Variants in TTC17 observed in about 807,000 individuals in gnomAD.
TTC17 encodes tetratricopeptide repeat domain 17.
Under a neutral mutation model 143.8 loss-of-function variants are expected in TTC17, and 58 were observed. The ratio of observed to expected loss-of-function variants is 0.40; its 90% confidence interval spans 0.33 to 0.50. The LOEUF (loss-of-function observed/expected upper bound fraction) is 0.50. TTC17 is among the 20% of genes least tolerant of loss of function. The pLI, the probability that TTC17 is intolerant of heterozygous loss-of-function variation, is 0.49. For synonymous variants in TTC17, 501 were observed against 497.8 expected (o/e 1.01, Z -0.09); for missense variants, 1,273 against 1,392.5 (o/e 0.91, Z 1.37).
At chr11:43,405,037 C>A (rs984107729) in intron 11 of TTC17, among the ~76,000 whole-genome samples, 8 of 151,462 alleles carry the variant, frequency 5.3e-5, no homozygotes, top group Admixed American at 2.6e-4. Context: ...GGATAAACTT[C>A]AGGTTTGGTT....
intron 21 of TTC17, among the ~76,000 whole-genome samples, chr11:43,485,883 G>GTTTTTTTTT (rs751026290): frequency 7.1e-5 from 8 of 112,604 alleles, no homozygotes; most frequent in East Asian, 2.8e-4. Flanking sequence ...TTGGTTTTTT[G>GTTTTTTTTT]TTTTTTTTTT....
intron 1 of TTC17, among the ~76,000 whole-genome samples, chr11:43,362,147 ATTTGTG>A (rs1465997341): frequency 1.0e-4 from 11 of 106,580 alleles, no homozygotes; most frequent in Non-Finnish European, 1.5e-4. Flanking sequence ...CACCCGGCTA[ATTTGTG>A]TGTGTGTGTG....
At chr11:43,365,691 G>A (rs1856309542) in intron 1 of TTC17, among the ~76,000 whole-genome samples, 1 of 152,196 alleles carries the variant, frequency 6.6e-6, no homozygotes, top group African/African-American at 2.4e-5. Flanking sequence ...TTGGGGAATT[G>A]GGAGTTGCTT....
At chr11:43,448,257 T>C in intron 19 of TTC17, 135 bp downstream of exon 19, 3 of 1,330,100 alleles carry the variant, frequency 2.3e-6, no homozygotes, top group Non-Finnish European at 3.0e-6. Flanking sequence ...ATGACCATGC[T>C]GACCATGGCC....
intron 21 of TTC17, among the ~76,000 whole-genome samples, chr11:43,475,982 G>T (rs1333478094): frequency 6.6e-6 from 1 of 152,114 alleles, no homozygotes; most frequent in South Asian, 2.1e-4. Context: ...TGGAAATATT[G>T]GTACAAATTC....
chr11:43,444,152 C>T lies in TTC17; in HGVS notation c.2608C>T (p.Arg870Cys), dbSNP rs1209355193. The T allele has an allele frequency of 6.8e-6, 11 of 1,612,884 alleles. No homozygotes were observed. The highest frequency in any genetic ancestry group is 6.7e-5 in the East Asian group (3 of 44,796). Residue 870 changes from arginine (R) to cysteine (C), a missense_variant, in exon 18 of 24, where the codon CGT (arginine) becomes TGT (cysteine). Arg to Cys is a radical substitution (Grantham distance 180). Coordinates refer to ENST00000039989, the MANE Select transcript of TTC17 (RefSeq NM_018259.6). ...VETGQIENGH[R>C]YQANLEITGP... ...AACAGGTCAGATAGAAAATGGACATCGTTACCAAGCAAACCTAGAGATCAC... is the reference window on the plus strand; with the variant it reads ...AACAGGTCAGATAGAAAATGGACATTGTTACCAAGCAAACCTAGAGATCAC...
chr11:43,482,645 T>C (rs1948308712), intron 21 of TTC17, among the ~76,000 whole-genome samples: 1 of 152,162 alleles, frequency 6.6e-6, no homozygotes, highest in Non-Finnish European at 1.5e-5. Context: ...TAGAAAGGAA[T>C]ATTGTCTTCT....
At chr11:43,455,118 A>T (rs1947738617) in intron 21 of TTC17, among the ~76,000 whole-genome samples, 1 of 151,602 alleles carries the variant, frequency 6.6e-6, no homozygotes, top group Non-Finnish European at 1.5e-5. Flanking sequence ...ACAATATAAA[A>T]GCCCTCCTAC....
intron 8 of TTC17, 37 bp downstream of exon 8, chr11:43,398,150 C>T: frequency 4.3e-6 from 7 of 1,609,994 alleles, no homozygotes; most frequent in East Asian, 2.2e-5. Context: ...AGCATTAGCA[C>T]TATCGAACCT....
At position 43,494,674 on chromosome 11, in the gene TTC17, T is replaced by C. The variant is rs904104504; in HGVS notation, c.*770T>C. ...GGTTTATATATATAGAATATGTATA[T>C]TTGAAGCCCTCTACAGACTGAGTCT... On this transcript the variant is annotated 3_prime_UTR_variant, in exon 24 of 24. Coordinates refer to ENST00000039989, the MANE Select transcript of TTC17 (RefSeq NM_018259.6). The C allele has an allele frequency of 6.6e-6, 1 of 152,206 alleles. No individual in the cohort carries two copies. The highest frequency in any genetic ancestry group is 1.5e-5 in the Non-Finnish European group (1 of 68,036). The allele number at this position is 152,206 out of a possible 1,614,324, so 9.4% of individuals were successfully genotyped here. A position where few individuals can be genotyped will look rare whatever the true frequency, so the allele number is the denominator to read the frequency against.
intron 20 of TTC17, among the ~76,000 whole-genome samples, chr11:43,450,590 A>G (rs1947639310): frequency 6.6e-6 from 1 of 152,222 alleles, no homozygotes; most frequent in Non-Finnish European, 1.5e-5. Context: ...GACCCAATAT[A>G]TACCTAGCAA....
chr11:43,460,761 CA>C (rs1947850645), intron 21 of TTC17, among the ~76,000 whole-genome samples: 1 of 152,160 alleles, frequency 6.6e-6, no homozygotes, highest in African/African-American at 2.4e-5. Flanking sequence ...TCTGGGGCCT[CA>C]ACTGGGGTGG....
chr11:43,391,226 T>C (rs1857373337), intron 3 of TTC17, among the ~76,000 whole-genome samples: 1 of 152,056 alleles, frequency 6.6e-6, no homozygotes, highest in African/African-American at 2.4e-5. Flanking sequence ...TAGTGAGACC[T>C]GTCTCAACAA....
At chr11:43,441,762 C>T (rs925914117) in intron 16 of TTC17, among the ~76,000 whole-genome samples, 1 of 152,202 alleles carries the variant, frequency 6.6e-6, no homozygotes, top group Non-Finnish European at 1.5e-5. Flanking sequence ...GCTCCATATT[C>T]TCTCTTCATT....
At chr11:43,492,389 G>A (rs1590520270) in intron 23 of TTC17, among the ~76,000 whole-genome samples, 1 of 152,090 alleles carries the variant, frequency 6.6e-6, no homozygotes, top group African/African-American at 2.4e-5. Context: ...TCCTCAACAT[G>A]AGTTGAACAT....
At chr11:43,471,199 C>T (rs1303333124) in intron 21 of TTC17, among the ~76,000 whole-genome samples, 2 of 152,206 alleles carry the variant, frequency 1.3e-5, no homozygotes, top group African/African-American at 4.8e-5. Context: ...GCCATTGCCA[C>T]TGCACCAGCT....
rs757333580 is a variant in TTC17 at position 43,448,137 on chromosome 11, C to G, written c.2786+15C>G. The G allele has an allele frequency of 1.2e-6, 2 of 1,613,426 alleles. No individual in the cohort carries two copies. The highest frequency in any genetic ancestry group is 8.5e-7 in the Non-Finnish European group (1 of 1,179,662). The stretch of plus-strand genomic sequence containing the variant: ...AAAAACATTGAGTAAGTATGTTAAG[C>G]CTCTCCCTCCTTTATGGCATTTGAG... On this transcript the variant is annotated intron_variant, in intron 19 of 23. Transcript: ENST00000039989.
intron 21 of TTC17, chr11:43,489,954 A>C (rs368538166): frequency 4.7e-6 from 1 of 212,172 alleles, no homozygotes; most frequent in South Asian, 1.5e-4. Context: ...CATAGATATG[A>C]GATATAGTTC....
intron 21 of TTC17, among the ~76,000 whole-genome samples, chr11:43,474,867 G>A (rs1211381739): frequency 2.6e-5 from 4 of 152,100 alleles, no homozygotes; most frequent in Non-Finnish European, 5.9e-5. Flanking sequence ...TCACAAGGAA[G>A]AGAAAATATA....
Sources: allele counts gnomAD v4.1 joint callset (sites outside exome capture counted in the v4.1 genomes callset), GRCh38; gene constraint gnomAD v4.1.1; transcripts MANE v1.5; gene names NCBI Gene and HGNC (gene_info 2026-07-23, HGNC 2026-07-21).